Variants in DOCK4 observed in about 807,000 individuals in gnomAD.
The protein encoded by DOCK4 is dedicator of cytokinesis protein 4.
A neutral mutation model predicts 268.1 loss-of-function variants in DOCK4; 97 were observed. The observed-to-expected ratio is 0.36, with a 90% confidence interval of 0.31 to 0.43. DOCK4 has a LOEUF of 0.43. Among genes scored for constraint, DOCK4 ranks in the 20% least tolerant of loss-of-function variants. DOCK4 has a pLI of 1.00. For synonymous variants in DOCK4, 954 were observed against 887.2 expected (o/e 1.08, Z -1.34); for missense variants, 2,145 against 2,455.7 (o/e 0.87, Z 2.67).
chr7:111,939,691 G>A (rs1308846031), intron 11 of DOCK4, among the ~76,000 whole-genome samples: 1 of 152,096 alleles, frequency 6.6e-6, no homozygotes, highest in African/African-American at 2.4e-5. Flanking sequence ...GTGGTACTTG[G>A]TTAGGGCAGG....
At chr7:112,075,175 T>C (rs1390902061) in intron 1 of DOCK4, among the ~76,000 whole-genome samples, 1 of 152,208 alleles carries the variant, frequency 6.6e-6, no homozygotes, top group African/African-American at 2.4e-5. Context: ...GGAAAGACAC[T>C]GAAGACCTAA....
chr7:112,027,673 G>A (rs951158469), intron 1 of DOCK4, among the ~76,000 whole-genome samples: 2 of 152,340 alleles, frequency 1.3e-5, no homozygotes, highest in African/African-American at 4.8e-5. Flanking sequence ...GAAGACTCAC[G>A]TGCTAAGAAA....
chr7:111,734,428 C>G (rs576545580), intron 51 of DOCK4, among the ~76,000 whole-genome samples: 1 of 152,276 alleles, frequency 6.6e-6, no homozygotes, highest in Admixed American at 6.5e-5. Flanking sequence ...TTCAAGTGAT[C>G]CACTCACCTT....
intron 1 of DOCK4, among the ~76,000 whole-genome samples, chr7:112,082,795 A>C (rs1808722308): frequency 6.6e-6 from 1 of 152,176 alleles, no homozygotes. Flanking sequence ...ATCAGAAACA[A>C]CTGAGATTGG....
intron 27 of DOCK4, among the ~76,000 whole-genome samples, chr7:111,817,446 A>T (rs1442162165): frequency 6.6e-6 from 1 of 152,098 alleles, no homozygotes; most frequent in Admixed American, 6.5e-5. Flanking sequence ...CGACGCTCCT[A>T]CCTTTCTTTG....
chr7:112,145,103 G>A (rs900920936), intron 1 of DOCK4, among the ~76,000 whole-genome samples: 5 of 152,136 alleles, frequency 3.3e-5, no homozygotes, highest in African/African-American at 1.2e-4. Context: ...TGGTTCCAAG[G>A]CAGGGACCGG....
At chr7:112,032,096 C>T (rs1024687344) in intron 1 of DOCK4, among the ~76,000 whole-genome samples, 3 of 152,028 alleles carry the variant, frequency 2.0e-5, no homozygotes, top group African/African-American at 7.2e-5. Flanking sequence ...TTGTAAGACC[C>T]TTAAGTAGGT....
At chr7:111,844,156 T>C (rs1317340445) in intron 25 of DOCK4, among the ~76,000 whole-genome samples, 1 of 152,052 alleles carries the variant, frequency 6.6e-6, no homozygotes, top group African/African-American at 2.4e-5. Flanking sequence ...GCATCTGTAA[T>C]CCCAGCTACT....
At chr7:111,732,550 A>G (rs747496519) in intron 51 of DOCK4, 1 of 497,502 alleles carries the variant, frequency 2.0e-6, no homozygotes, top group Non-Finnish European at 3.6e-6. Context: ...ACAGGTTCCC[A>G]AACTGATCCA....
chr7:112,174,939 C>CT (rs368676870), intron 1 of DOCK4, among the ~76,000 whole-genome samples: 17,011 of 131,130 alleles, frequency 0.13, 2,229 homozygotes, highest in African/African-American at 0.31. Flanking sequence ...TCCCCTGGAA[C>CT]TTTTTTTTTT....
chr7:112,069,650 T>A (rs1398864183), intron 1 of DOCK4, among the ~76,000 whole-genome samples: 1 of 152,168 alleles, frequency 6.6e-6, no homozygotes, highest in Non-Finnish European at 1.5e-5. Flanking sequence ...CTTGTTCTTG[T>A]TGCTGTTACA....
chr7:112,066,350 G>A (rs1203489128), intron 1 of DOCK4, among the ~76,000 whole-genome samples: 1 of 151,798 alleles, frequency 6.6e-6, no homozygotes, highest in Non-Finnish European at 1.5e-5. Flanking sequence ...TGGTTCTGAG[G>A]CCTTTAGACT....
intron 1 of DOCK4, among the ~76,000 whole-genome samples, chr7:112,039,610 T>G (rs916047804): frequency 1.3e-5 from 2 of 152,102 alleles, no homozygotes; most frequent in Non-Finnish European, 2.9e-5. Flanking sequence ...CGAGCCAGCT[T>G]TACCTAGGTA....
At chr7:111,856,835 T>C (rs1261255695) in intron 23 of DOCK4, among the ~76,000 whole-genome samples, 1 of 152,200 alleles carries the variant, frequency 6.6e-6, no homozygotes, top group African/African-American at 2.4e-5. Flanking sequence ...AGGTCCCAGG[T>C]AGTTTTTGAA....
At chr7:111,924,589 G>A (rs78536113) in intron 12 of DOCK4, among the ~76,000 whole-genome samples, 5,938 of 152,142 alleles carry the variant, frequency 0.039, 361 homozygotes, top group East Asian at 0.29. Flanking sequence ...TTTATTTGCT[G>A]TCTACACTTA....
chr7:111,991,608 T>C (rs1173149277), intron 5 of DOCK4, among the ~76,000 whole-genome samples: 1 of 152,018 alleles, frequency 6.6e-6, no homozygotes. Flanking sequence ...AGACTTAGAT[T>C]TAGATTCAGG....
chr7:111,950,017 C>T (rs1252745921), intron 8 of DOCK4, among the ~76,000 whole-genome samples: 1 of 152,216 alleles, frequency 6.6e-6, no homozygotes, highest in African/African-American at 2.4e-5. Flanking sequence ...ACCTCCGCCT[C>T]CCAGGTTCAA....
chr7:111,844,369 G>A (rs1422856805), intron 25 of DOCK4, among the ~76,000 whole-genome samples: 7 of 152,288 alleles, frequency 4.6e-5, no homozygotes, highest in Admixed American at 4.6e-4. Context: ...ACTAGTCAGA[G>A]TGAAAAATTT....
chr7:111,751,631 G>C (rs1446372797), intron 42 of DOCK4, among the ~76,000 whole-genome samples: 3 of 152,120 alleles, frequency 2.0e-5, no homozygotes, highest in Non-Finnish European at 2.9e-5. Context: ...TTTTTGTAGC[G>C]ACAGGGTTTT....
Sources: gnomAD v4.1 joint callset for allele counts (sites outside exome capture counted in the v4.1 genomes callset) on GRCh38, gnomAD v4.1.1 for gene constraint, MANE v1.5 for transcripts, NCBI Gene and HGNC (gene_info 2026-07-23, HGNC 2026-07-21) for gene names.